The following SCAF8 variants were observed in gnomAD, a reference collection of about 807,000 sequenced individuals.
SCAF8 encodes the protein SR-related and CTD-associated factor 8.
In SCAF8, 23 loss-of-function variants were observed where a neutral mutation model predicts 140.5. That is an observed-to-expected ratio of 0.16 (90% CI 0.12 to 0.23). The LOEUF is 0.23. SCAF8 is among the 10% of genes least tolerant of loss of function. The pLI is 1.00. For missense variants in SCAF8, 1,397 were observed against 1,555.7 expected, an observed-to-expected ratio of 0.90 and a Z score of 1.72; for synonymous variants, 575 against 528.9, an observed-to-expected ratio of 1.09 and a Z score of -1.20.
Position 154,733,880 on chromosome 6 carries a change from C to G in SCAF8, c.-21C>G. On this transcript the variant is annotated 5_prime_UTR_variant, in exon 1 of 20. Coordinates refer to ENST00000367178, the MANE Select transcript of SCAF8 (RefSeq NM_014892.5). The stretch of plus-strand genomic sequence containing the variant: ...CCGCCGCCTCTTCCGCCGCCGGGCT[C>G]GGGGCCTCCGCAGCGACAACATGGA... 6.5e-7 allele frequency: 1 copy of G among 1,544,448 alleles called. No homozygotes were observed. Among genetic ancestry groups the G allele is most frequent in the African/African-American group, 1.4e-5 (1 of 69,832 alleles).
chr6:154,787,936 C>G lies in SCAF8; in HGVS notation c.235C>G (p.Gln79Glu). The G allele has an allele frequency of 1.2e-6, 2 of 1,613,564 alleles. No individual in the cohort carries two copies. Among genetic ancestry groups the G allele is most frequent in the Non-Finnish European group, 1.7e-6 (2 of 1,179,738 alleles). The change falls in exon 4 of 20, where the codon CAA becomes GAA. Residue 79 changes from glutamine to glutamate, a missense_variant. Around this residue, in one of 5 missense-constraint regions of SCAF8, gnomAD observed 43 missense variants for 142.1 expected, o/e 0.30. Coordinates refer to ENST00000367178, the MANE Select transcript of SCAF8 (RefSeq NM_014892.5). ...GCGACAATCCCGACATCAGTTTGGTCAAGAAAAGGATGTGTTTGCACCCAG... is the reference window on the plus strand; with the variant it reads ...GCGACAATCCCGACATCAGTTTGGTGAAGAAAAGGATGTGTTTGCACCCAG... Reference protein sequence around the residue: ...IVRQSRHQFGQEKDVFAPRFS... With the variant: ...IVRQSRHQFGEEKDVFAPRFS...
Position 154,823,106 on chromosome 6 carries a change from G to A in SCAF8, c.1926+697G>A, listed in dbSNP as rs137996002. ...TTCAGAGGCAACAACCAGTGCAAAG[G>A]TCCCACACCAGGAATATGGTTGGTG... On this transcript the variant is annotated intron_variant, in intron 16 of 19. Transcript: ENST00000367178. Among the ~76,000 whole-genome samples the A allele has an allele frequency of 9.7e-3, 1,474 of 152,256 alleles. 28 individuals are homozygous for A. The highest frequency in any genetic ancestry group is 0.034 in the African/African-American group (1,398 of 41,552).
At position 154,733,752 on chromosome 6, in the gene SCAF8, T is replaced by C; in HGVS notation, c.-149T>C. 7.4e-7 allele frequency: 1 copy of C among 1,349,216 alleles called. No homozygotes were observed. The highest frequency in any genetic ancestry group is 1.9e-5 in the South Asian group (1 of 53,710). The allele number at this position is 1,349,216 out of a possible 1,614,324, so 83.6% of individuals were successfully genotyped here. The stretch of plus-strand genomic sequence containing the variant: ...AGCCCTTCCCCGCCAGCGCGTGCCC[T>C]TCCACTCCGCCCCGAGGTCGCAGCG... On this transcript the variant is annotated 5_prime_UTR_variant, in exon 1 of 20. Transcript: ENST00000367178.
At chr6:154,789,109 AATTT>A (rs955672340) in intron 4 of SCAF8, among the ~76,000 whole-genome samples, 2 of 152,040 alleles carry the variant, frequency 1.3e-5, no homozygotes, top group African/African-American at 4.8e-5. Flanking sequence ...TATGGCGATA[AATTT>A]ATTTATTTTT....
At chr6:154,809,599 T>C (rs1199637290) in intron 11 of SCAF8, among the ~76,000 whole-genome samples, 2 of 152,220 alleles carry the variant, frequency 1.3e-5, no homozygotes, top group African/African-American at 2.4e-5. Flanking sequence ...TGTCACCTTC[T>C]ACAAGCACCA....
chr6:154,831,647 ACTTTTCTTT>A (rs1164380509), intron 19 of SCAF8, among the ~76,000 whole-genome samples: 4 of 130,826 alleles, frequency 3.1e-5, no homozygotes, highest in African/African-American at 1.2e-4. Context: ...TTCTAAGCAT[ACTTTTCTTT>A]CCTTTCTTTC....
At position 154,810,004 on chromosome 6, in the gene SCAF8, A is replaced by AT. The variant is rs749720766; in HGVS notation, c.1227-5dup. ...CATTGTCATTAGAAGTAAAATGAAA[A>AT]TTTTTTGTAGATCACCAAGAAAACG... is the stretch of plus-strand genomic sequence containing the variant. On this transcript the variant is annotated splice_polypyrimidine_tract_variant and intron_variant, in intron 11 of 19. Coordinates refer to ENST00000367178, the MANE Select transcript of SCAF8 (RefSeq NM_014892.5). The AT allele has an allele frequency of 1.9e-6, 3 of 1,584,568 alleles. No homozygotes were observed. The highest frequency in any genetic ancestry group is 2.4e-5 in the South Asian group (2 of 84,000).
chr6:154,830,818 A>T, intron 18 of SCAF8, 104 bp from the exon 19 acceptor site: 2 of 737,278 alleles, frequency 2.7e-6, no homozygotes, highest in Non-Finnish European at 4.6e-6. Context: ...TAATGTGCTT[A>T]GTAATACAGA....
At chr6:154,749,575 A>G (rs1778789854) in intron 1 of SCAF8, among the ~76,000 whole-genome samples, 1 of 152,198 alleles carries the variant, frequency 6.6e-6, no homozygotes, top group African/African-American at 2.4e-5. Flanking sequence ...TCACCTATGT[A>G]TAGTTTGTGT....
At chr6:154,818,427 C>A in intron 13 of SCAF8, 52 bp from the exon 14 acceptor site, 1 of 894,720 alleles carries the variant, frequency 1.1e-6, no homozygotes, top group Non-Finnish European at 1.7e-6. Context: ...CATAAAATAC[C>A]AGAATGAGTT....
At chr6:154,738,117 C>T (rs985497897) in intron 1 of SCAF8, among the ~76,000 whole-genome samples, 2 of 150,686 alleles carry the variant, frequency 1.3e-5, no homozygotes, top group Non-Finnish European at 2.9e-5. Context: ...CCCAGGAGTT[C>T]GAGGCTATAG....
chr6:154,733,395 G>A (rs1396480820), upstream of SCAF8: 18 of 1,369,814 alleles, frequency 1.3e-5, no homozygotes, highest in Non-Finnish European at 1.6e-5. Flanking sequence ...CCCGAACTGC[G>A]CGGCCCGACT....
rs1370857146 is a variant in SCAF8, at chr6:154,834,131, T to TA, written c.*737dup. On this transcript the variant is annotated 3_prime_UTR_variant, in exon 20 of 20. Transcript: ENST00000367178. ...CCTTGAATTATTATTAGCATGTGCT[T>TA]ATTTTTTGCAAAAGCTTTCTATCAT... is the stretch of plus-strand genomic sequence containing the variant. 1 of 152,206 alleles carries TA rather than the reference T, an allele frequency of 6.6e-6. No homozygotes were observed. The highest frequency in any genetic ancestry group is 1.5e-5 in the Non-Finnish European group (1 of 68,026). 9.4% of individuals were successfully genotyped at this position (152,206 alleles called of 1,614,324 possible).
intron 1 of SCAF8, among the ~76,000 whole-genome samples, chr6:154,737,594 G>A (rs1562419210): frequency 1.3e-5 from 2 of 152,186 alleles, no homozygotes; most frequent in African/African-American, 4.8e-5. Context: ...GGGTGTAAAG[G>A]AGGGGGCAGG....
In SCAF8 at chr6:154,830,969, G is replaced by T; in HGVS notation, c.2188G>T (p.Val730Phe). 1 of 1,614,142 alleles carries T rather than the reference G, an allele frequency of 6.2e-7. No individual in the cohort carries two copies. The highest frequency in any genetic ancestry group is 8.5e-7 in the Non-Finnish European group (1 of 1,179,982). ...LSMTPETVKD[V>F]GFGSLVIPGG... ...CATGACACCGGAAACTGTGAAAGAT[G>T]TTGGATTTGGTAGCCTTGTTATACC... The change falls in exon 19 of 20, where the codon GTT becomes TTT. Residue 730 changes from valine to phenylalanine, a missense_variant. Coordinates refer to ENST00000367178, the MANE Select transcript of SCAF8 (RefSeq NM_014892.5).
chr6:154,740,619 C>CTT (rs1778543214), intron 1 of SCAF8, among the ~76,000 whole-genome samples: 1 of 117,252 alleles, frequency 8.5e-6, no homozygotes, highest in Non-Finnish European at 1.7e-5. Flanking sequence ...TTTTCTTTTT[C>CTT]TTTTTCTTTT....
At chr6:154,779,781 G>GTGTGTATA (rs1212419688) in intron 3 of SCAF8, among the ~76,000 whole-genome samples, 15 of 144,270 alleles carry the variant, frequency 1.0e-4, no homozygotes, top group African/African-American at 4.0e-4. Flanking sequence ...GTGTGTGTGT[G>GTGTGTATA]TATATATATA....
Position 154,754,686 on chromosome 6 carries a change from G to C in SCAF8, c.31-19303G>C, listed in dbSNP as rs1196209773. Among the ~76,000 whole-genome samples, 5 of 152,096 alleles carry C rather than the reference G, an allele frequency of 3.3e-5. 1 individual carries two copies. In the South Asian group the frequency reaches 1.0e-3, roughly 32 times the overall value. ...AGCTCCCTGTCTCTTTCAAATTTTTGTGTTGGTTAGTCTCATTTCTGAAAT... is the reference window on the plus strand; with the variant it reads ...AGCTCCCTGTCTCTTTCAAATTTTTCTGTTGGTTAGTCTCATTTCTGAAAT... On this transcript the variant is annotated intron_variant, in intron 1 of 19. Coordinates refer to ENST00000367178, the MANE Select transcript of SCAF8 (RefSeq NM_014892.5).
chr6:154,734,032 G>A (rs1237069588), intron 1 of SCAF8, 102 bp downstream of exon 1: 1 of 1,414,280 alleles, frequency 7.1e-7, no homozygotes, highest in Non-Finnish European at 9.2e-7. Flanking sequence ...GGTTTTTTAA[G>A]GGTGGGGTGA....
Sources: allele counts gnomAD v4.1 joint callset (sites outside exome capture counted in the v4.1 genomes callset), GRCh38; gene constraint gnomAD v4.1.1; regional missense constraint gnomAD v4.1.1; transcripts MANE v1.5; gene names NCBI Gene and HGNC (gene_info 2026-07-23, HGNC 2026-07-21).